CLIP4: variants seen among roughly 807,000 people sequenced by gnomAD.
CLIP4 encodes the protein CAP-Gly domain-containing linker protein 4.
Under a neutral mutation model 73.1 loss-of-function variants are expected in CLIP4, and 47 were observed. That is an observed-to-expected ratio of 0.64 (90% CI 0.51 to 0.82). CLIP4 has a LOEUF of 0.82. Among genes scored for constraint, CLIP4 ranks in the 40% least tolerant of loss-of-function variants. CLIP4 has a pLI of 0.00. For missense variants in CLIP4, 874 were observed against 852.9 expected (o/e 1.02, Z -0.31); for synonymous variants, 306 against 295.4 (o/e 1.04, Z -0.37).
At chr2:29,161,791 G>A (rs1254049134) in intron 12 of CLIP4, among the ~76,000 whole-genome samples, 1 of 152,146 alleles carries the variant, frequency 6.6e-6, no homozygotes, top group Non-Finnish European at 1.5e-5. Context: ...GGTGGGAGAT[G>A]CTAGCTCTAT....
At chr2:29,177,111 A>G (rs181424809) in intron 15 of CLIP4, among the ~76,000 whole-genome samples, 7 of 152,264 alleles carry the variant, frequency 4.6e-5, no homozygotes, top group Admixed American at 3.3e-4. Context: ...GGAGTATAAA[A>G]AGTAACAAAC....
At chr2:29,119,828 C>G (rs1219025997) in intron 1 of CLIP4, among the ~76,000 whole-genome samples, 3 of 152,180 alleles carry the variant, frequency 2.0e-5, no homozygotes, top group African/African-American at 7.2e-5. Context: ...CTTAGAAGCT[C>G]CAACTGCAAA....
chr2:29,100,357 T>A (rs1373264890), intron 1 of CLIP4, among the ~76,000 whole-genome samples: 1 of 152,176 alleles, frequency 6.6e-6, no homozygotes, highest in Non-Finnish European at 1.5e-5. Context: ...TTAAATATTT[T>A]AAAAATTAGA....
intron 12 of CLIP4, among the ~76,000 whole-genome samples, chr2:29,162,122 C>T (rs960691755): frequency 6.6e-6 from 1 of 152,032 alleles, no homozygotes; most frequent in Non-Finnish European, 1.5e-5. Flanking sequence ...TTTTGAGTTC[C>T]CTTTCTCTGA....
chr2:29,147,954 C>A (rs541228332), intron 8 of CLIP4, among the ~76,000 whole-genome samples: 20 of 152,266 alleles, frequency 1.3e-4, no homozygotes, highest in African/African-American at 4.8e-4. Context: ...AGGGCAGGAT[C>A]AAAAGCCTTT....
intron 7 of CLIP4, among the ~76,000 whole-genome samples, chr2:29,144,771 A>G (rs1430684584): frequency 8.2e-6 from 1 of 122,282 alleles, no homozygotes; most frequent in Non-Finnish European, 1.7e-5. Flanking sequence ...CTGCTTGGAT[A>G]TTGAGTTTCC....
chr2:29,149,147 T>A (rs1666370548), intron 8 of CLIP4, among the ~76,000 whole-genome samples: 1 of 152,180 alleles, frequency 6.6e-6, no homozygotes, highest in Non-Finnish European at 1.5e-5. Flanking sequence ...CCATAGGCAG[T>A]GTGTAAGCAG....
chr2:29,144,711 A>G (rs1397243706), intron 7 of CLIP4, among the ~76,000 whole-genome samples: 1 of 150,922 alleles, frequency 6.6e-6, no homozygotes, highest in African/African-American at 2.4e-5. Context: ...GTTTTTTCTT[A>G]ATATTGAGGT....
chr2:29,106,544 A>C (rs564908870), intron 1 of CLIP4, among the ~76,000 whole-genome samples: 2 of 152,272 alleles, frequency 1.3e-5, no homozygotes, highest in South Asian at 4.1e-4. Flanking sequence ...CACTTTATAG[A>C]GGAACCAACT....
At chr2:29,121,186 G>T (rs1303898443) in intron 1 of CLIP4, among the ~76,000 whole-genome samples, 188 bp from the exon 2 acceptor site, 1 of 152,062 alleles carries the variant, frequency 6.6e-6, no homozygotes, top group Non-Finnish European at 1.5e-5. Context: ...TATAAGAGGT[G>T]GTGTGAAGCA....
chr2:29,159,012 TCA>T (rs1001038218), intron 11 of CLIP4, among the ~76,000 whole-genome samples: 4 of 152,254 alleles, frequency 2.6e-5, no homozygotes, highest in Non-Finnish European at 4.4e-5. Context: ...GGATTTCTGA[TCA>T]CAGAGTCTTG....
At chr2:29,109,698 T>A (rs1668334769) in intron 1 of CLIP4, among the ~76,000 whole-genome samples, 1 of 152,166 alleles carries the variant, frequency 6.6e-6, no homozygotes, top group Non-Finnish European at 1.5e-5. Context: ...CAGTGCCCCA[T>A]GTAGGAACAT....
At chr2:29,140,897 C>T (rs796291069) in intron 6 of CLIP4, among the ~76,000 whole-genome samples, 2 of 152,254 alleles carry the variant, frequency 1.3e-5, no homozygotes, top group African/African-American at 4.8e-5. Flanking sequence ...AGTGTCTGTT[C>T]TTATTTTTCT....
chr2:29,155,328 C>G (rs757753876), intron 9 of CLIP4, among the ~76,000 whole-genome samples: 1 of 152,058 alleles, frequency 6.6e-6, no homozygotes, highest in African/African-American at 2.4e-5. Flanking sequence ...CGTGAACACT[C>G]TTGAAACAAA....
At chr2:29,151,863 G>T (rs4666169) in intron 8 of CLIP4, among the ~76,000 whole-genome samples, 76,247 of 151,862 alleles carry the variant, frequency 0.5, 20,001 homozygotes, top group East Asian at 0.91. Flanking sequence ...TGCATACTTT[G>T]TATGCTGGTT....
At chr2:29,159,931 A>G (rs572863707) in intron 11 of CLIP4, among the ~76,000 whole-genome samples, 1 of 152,374 alleles carries the variant, frequency 6.6e-6, no homozygotes, top group East Asian at 1.9e-4. Flanking sequence ...GCAGAGTTCA[A>G]TAGTTGTGGC....
intron 11 of CLIP4, among the ~76,000 whole-genome samples, chr2:29,158,659 C>T (rs1445863838): frequency 6.6e-6 from 1 of 151,664 alleles, no homozygotes; most frequent in Non-Finnish European, 1.5e-5. Flanking sequence ...CTGCAGAGAA[C>T]GAACAATAAT....
At chr2:29,165,511 G>A (rs193287460) in intron 13 of CLIP4, among the ~76,000 whole-genome samples, 1 of 152,270 alleles carries the variant, frequency 6.6e-6, no homozygotes, top group Non-Finnish European at 1.5e-5. Flanking sequence ...GCCCTTAACC[G>A]TAACCCTATA....
chr2:29,098,091 T>C (rs1436718571), intron 1 of CLIP4: 1 of 152,216 alleles, frequency 6.6e-6, no homozygotes, highest in Non-Finnish European at 1.5e-5. Context: ...GGATATATAA[T>C]GAGGCAACTT....
Sources: gnomAD v4.1 joint callset for allele counts (sites outside exome capture counted in the v4.1 genomes callset) on GRCh38, gnomAD v4.1.1 for gene constraint, MANE v1.5 for transcripts, NCBI Gene and HGNC (gene_info 2026-07-23, HGNC 2026-07-21) for gene names.